The following NPAS2 variants were observed in gnomAD, a reference collection of about 807,000 sequenced individuals.
The protein encoded by NPAS2 is neuronal PAS domain protein 2.
In NPAS2, 23 loss-of-function variants were observed where a neutral mutation model predicts 107.5. That is an observed-to-expected ratio of 0.21 (90% CI 0.15 to 0.30). NPAS2 has a LOEUF of 0.30. Among genes scored for constraint, NPAS2 ranks in the 10% least tolerant of loss-of-function variants. The pLI is 1.00. For missense variants in NPAS2, 756 were observed against 1,043.3 expected (o/e 0.72, Z 3.79); for synonymous variants, 403 against 417.5 (o/e 0.97, Z 0.42).
intron 1 of NPAS2, among the ~76,000 whole-genome samples, chr2:100,892,508 A>G (rs1181532284): frequency 2.0e-5 from 3 of 152,088 alleles, no homozygotes; most frequent in African/African-American, 7.2e-5. Flanking sequence ...ATCTGGCTCT[A>G]TGAGGCTCCA....
intron 1 of NPAS2, among the ~76,000 whole-genome samples, chr2:100,842,081 G>GCGCGCGCGCGCGCACACACACACACA: frequency 6.7e-6 from 1 of 148,798 alleles, no homozygotes; most frequent in South Asian, 2.1e-4. Context: ...GCATGTACGC[G>GCGCGCGCGCGCGCACACACACACACA]CACACACACA....
intron 1 of NPAS2, among the ~76,000 whole-genome samples, chr2:100,894,161 T>A (rs1435456372): frequency 6.6e-6 from 1 of 152,242 alleles, no homozygotes; most frequent in African/African-American, 2.4e-5. Context: ...AGAAAGAATG[T>A]TCTAAAGCCT....
chr2:100,909,678 C>T (rs1573599099), intron 2 of NPAS2, among the ~76,000 whole-genome samples: 1 of 151,550 alleles, frequency 6.6e-6, no homozygotes, highest in South Asian at 2.1e-4. Context: ...CTTACATCAT[C>T]ATAAGCTCCC....
chr2:100,931,294 G>A (rs184817), intron 3 of NPAS2, among the ~76,000 whole-genome samples: 125,492 of 152,036 alleles, frequency 0.83, 52,055 homozygotes, highest in East Asian at 1. Context: ...ATTACCAAAG[G>A]CTCATAGCAG....
intron 2 of NPAS2, among the ~76,000 whole-genome samples, chr2:100,908,944 C>A (rs746652268): frequency 2.0e-4 from 30 of 152,118 alleles, no homozygotes; most frequent in Non-Finnish European, 4.0e-4. Context: ...ATTCTTTGAC[C>A]CTAATTCTTA....
At chr2:100,846,737 ATAC>A (rs1320496370) in intron 1 of NPAS2, 1 of 152,216 alleles carries the variant, frequency 6.6e-6, no homozygotes, top group East Asian at 1.9e-4. Context: ...CCTTTCAATA[ATAC>A]TAAGTATCAT....
intron 4 of NPAS2, chr2:100,934,806 C>A (rs1573656798): frequency 1.0e-6 from 1 of 985,440 alleles, no homozygotes; most frequent in East Asian, 1.1e-4. Context: ...TCCAGTGCAA[C>A]CTTCCCATAG....
intron 1 of NPAS2, chr2:100,901,590 A>C (rs1681782450): frequency 7.2e-6 from 7 of 975,102 alleles, no homozygotes; most frequent in Non-Finnish European, 6.1e-6. Flanking sequence ...GAGATGCAGC[A>C]GGAGATCAGA....
chr2:100,966,786 AG>A (rs1490686322), intron 10 of NPAS2, among the ~76,000 whole-genome samples: 1 of 151,892 alleles, frequency 6.6e-6, no homozygotes, highest in Non-Finnish European at 1.5e-5. Flanking sequence ...TAGTACAGAC[AG>A]GGTTTCACCA....
At chr2:100,924,174 C>T (rs1347364474) in intron 2 of NPAS2, among the ~76,000 whole-genome samples, 7 of 152,200 alleles carry the variant, frequency 4.6e-5, no homozygotes, top group East Asian at 1.9e-4. Flanking sequence ...CCTAGACACA[C>T]TCAGCCTCCC....
chr2:100,965,044 A>G lies in NPAS2; in HGVS notation c.800+101A>G. ...GAGAAGAGTCGGCCCTGGTCCATTGAAAGAGGAGGACTCTCTGGCACTAGG... is the reference window on the plus strand; with the variant it reads ...GAGAAGAGTCGGCCCTGGTCCATTGGAAGAGGAGGACTCTCTGGCACTAGG... On this transcript the variant is annotated intron_variant, in intron 9 of 20. Coordinates refer to ENST00000335681, the MANE Select transcript of NPAS2 (RefSeq NM_002518.4). This position sits in a 1 kb window ranked among gnomAD's most constrained non-coding sequence, Gnocchi z 4.3. 1 of 741,982 alleles carries G rather than the reference A, an allele frequency of 1.3e-6. No individual in the cohort carries two copies. Among genetic ancestry groups the G allele is most frequent in the Non-Finnish European group, 2.1e-6 (1 of 467,312 alleles). 46.0% of individuals were successfully genotyped at this position (741,982 alleles called of 1,614,324 possible). A position where few individuals can be genotyped will look rare whatever the true frequency, so the allele number is the denominator to read the frequency against.
chr2:100,857,917 T>G (rs1240648596), intron 1 of NPAS2, among the ~76,000 whole-genome samples: 1 of 152,236 alleles, frequency 6.6e-6, no homozygotes, highest in Non-Finnish European at 1.5e-5. Context: ...AGAAGCACAT[T>G]GCCTTAATTT....
chr2:100,957,914 C>T (rs560388324), intron 7 of NPAS2, among the ~76,000 whole-genome samples: 3 of 152,116 alleles, frequency 2.0e-5, no homozygotes, highest in East Asian at 3.9e-4. Context: ...GGCGACAGAG[C>T]GAAACTCAGT....
intron 12 of NPAS2, among the ~76,000 whole-genome samples, chr2:100,971,992 A>G (rs1310145415): frequency 6.8e-6 from 1 of 146,688 alleles, no homozygotes; most frequent in African/African-American, 2.6e-5. Flanking sequence ...CCCCAGCTGG[A>G]GTGCAGTGGT....
intron 1 of NPAS2, among the ~76,000 whole-genome samples, chr2:100,842,721 C>T (rs1044005358): frequency 3.3e-5 from 5 of 152,130 alleles, no homozygotes; most frequent in African/African-American, 1.2e-4. Flanking sequence ...AGGAACTGGA[C>T]GACAGGTCAG....
Position 100,995,882 on chromosome 2 carries a change from G to A in NPAS2, c.*300G>A, listed in dbSNP as rs1678421514. On this transcript the variant is annotated 3_prime_UTR_variant, in exon 21 of 21. Coordinates refer to ENST00000335681, the MANE Select transcript of NPAS2 (RefSeq NM_002518.4). The stretch of plus-strand genomic sequence containing the variant: ...CGGTCGGTTTGCCGTCAGAGATGGC[G>A]CATCTCGCTGCATCCCCCGAGAGTA... 6.8e-6 allele frequency: 10 copies of A among 1,467,940 alleles called. No individual in the cohort carries two copies. The highest frequency in any genetic ancestry group is 3.0e-5 in the East Asian group (1 of 33,722). The allele number at this position is 1,467,940 out of a possible 1,614,324, so 90.9% of individuals were successfully genotyped here. A position where few individuals can be genotyped will look rare whatever the true frequency, so the allele number is the denominator to read the frequency against.
At chr2:100,881,359 C>T (rs1266759060) in intron 1 of NPAS2, among the ~76,000 whole-genome samples, 2 of 152,134 alleles carry the variant, frequency 1.3e-5, no homozygotes, top group Non-Finnish European at 2.9e-5. Context: ...TTAGCAAGAT[C>T]CCAGGGGACC....
At chr2:100,943,472 A>G (rs1042443882) in intron 5 of NPAS2, among the ~76,000 whole-genome samples, 2 of 152,194 alleles carry the variant, frequency 1.3e-5, no homozygotes, top group African/African-American at 4.8e-5. Context: ...CCTCTCATTC[A>G]TCCCACCCTA....
Position 100,977,775 on chromosome 2 carries a change from G to C in NPAS2, c.1458G>C (p.Gln486His), listed in dbSNP as rs528544389. ...AGCTCCTGCCTCAGACCGTTCTGCA[G>C]AGCACGCCCGCTCCCATGGCACAGG... The part of the protein sequence containing the change: ...TQQLLPQTVL[Q>H]STPAPMAQFS... Residue 486 changes from glutamine (Q) to histidine (H), a missense_variant, in exon 15 of 21, where the codon CAG becomes CAC. Physicochemically the swap from Gln to His is conservative, Grantham distance 24. This residue lies in a region of NPAS2 where 496 missense variants were observed against 594.4 expected (regional missense o/e 0.83). Coordinates refer to ENST00000335681, the MANE Select transcript of NPAS2 (RefSeq NM_002518.4). 2.5e-6 allele frequency: 4 copies of C among 1,614,154 alleles called. No homozygotes were observed. The highest frequency in any genetic ancestry group is 2.5e-6 in the Non-Finnish European group (3 of 1,180,040).
Sources: gnomAD v4.1 joint callset for allele counts (sites outside exome capture counted in the v4.1 genomes callset) on GRCh38, gnomAD v4.1.1 for gene constraint, gnomAD v4.1.1 regional missense constraint, Gnocchi (gnomAD v3.1) non-coding constraint, MANE v1.5 for transcripts, NCBI Gene and HGNC (gene_info 2026-07-23, HGNC 2026-07-21) for gene names.